Variants in EHHADH observed in about 807,000 individuals in gnomAD.
The protein encoded by EHHADH is enoyl-CoA hydratase and 3-hydroxyacyl CoA dehydrogenase.
Under a neutral mutation model 64.4 loss-of-function variants are expected in EHHADH, and 48 were observed. The ratio of observed to expected loss-of-function variants is 0.75; its 90% CI spans 0.59 to 0.95. The LOEUF (loss-of-function observed/expected upper bound fraction) is 0.95. Among genes scored for constraint, EHHADH ranks in the 40% least tolerant of loss-of-function variants. The pLI is 0.00. For missense variants in EHHADH, 854 were observed against 876.6 expected (o/e 0.97, Z 0.33); for synonymous variants, 308 against 326.7 (o/e 0.94, Z 0.62).
At chr3:185,211,733 A>T (rs1323420811) in intron 5 of EHHADH, among the ~76,000 whole-genome samples, 2 of 152,244 alleles carry the variant, frequency 1.3e-5, no homozygotes, top group Non-Finnish European at 2.9e-5. Flanking sequence ...CCTCCTATGT[A>T]AGGCAGGTCA....
At chr3:185,193,885 G>T (rs2108623325) in intron 6 of EHHADH, among the ~76,000 whole-genome samples, 1 of 152,252 alleles carries the variant, frequency 6.6e-6, no homozygotes, top group South Asian at 2.1e-4. Context: ...AGGAGGATTT[G>T]TACACTAAAA....
intron 5 of EHHADH, among the ~76,000 whole-genome samples, chr3:185,215,495 C>T (rs1577362313): frequency 6.6e-6 from 1 of 152,000 alleles, no homozygotes; most frequent in South Asian, 2.1e-4. Flanking sequence ...TTGCCTGCGG[C>T]CAAGGGGAAG....
Position 185,238,511 on chromosome 3 carries a change from T to A in EHHADH, c.179-3049A>T, listed in dbSNP as rs150608876. 3.3e-5 allele frequency among the ~76,000 whole-genome samples: 5 copies of A among 152,296 alleles called. No individual in the cohort carries two copies. In the East Asian group the frequency reaches 9.6e-4, roughly 29 times the overall value. On this transcript the variant is annotated intron_variant, in intron 2 of 6. Coordinates refer to ENST00000231887, the MANE Select transcript of EHHADH (RefSeq NM_001966.4). Reference sequence around the variant, plus strand: ...TACATTTCTCTGATGATTAGTGATGTTGAGAATTTTTTCATATGTTTATTG... The same window carrying A: ...TACATTTCTCTGATGATTAGTGATGATGAGAATTTTTTCATATGTTTATTG...
intron 2 of EHHADH, among the ~76,000 whole-genome samples, chr3:185,241,791 CTTTAG>C: frequency 6.6e-6 from 1 of 152,110 alleles, no homozygotes; most frequent in East Asian, 1.9e-4. Context: ...TGCAAAAGCT[CTTTAG>C]TTTAATTAAC....
At chr3:185,224,193 CCTTT>C (rs953296551) in intron 4 of EHHADH, among the ~76,000 whole-genome samples, 4 of 151,782 alleles carry the variant, frequency 2.6e-5, no homozygotes, top group African/African-American at 9.7e-5. Context: ...TCTTTAACAC[CCTTT>C]CTTAGAAAAA....
chr3:185,235,576 A>AT (rs1185220750), intron 2 of EHHADH, 114 bp from the exon 3 acceptor site: 50 of 954,744 alleles, frequency 5.2e-5, no homozygotes, highest in South Asian at 2.5e-4. Context: ...TTATTTCTTA[A>AT]TTTTTTTTAG....
chr3:185,226,975 T>G (rs911296379), intron 4 of EHHADH: 3 of 152,228 alleles, frequency 2.0e-5, no homozygotes, highest in Non-Finnish European at 4.4e-5. Context: ...GTTGGTTCAT[T>G]TCACTGCTAT....
In EHHADH at chr3:185,193,393, A is replaced by G. The variant is rs531268337; in HGVS notation, c.1005T>C (p.Thr335=). Residue 335 remains threonine, a synonymous_variant, in exon 7 of 7, where the codon ACT becomes ACC. Coordinates refer to ENST00000231887, the MANE Select transcript of EHHADH (RefSeq NM_001966.4). ...AGACAGAGGTTATCATCTTGTTTGCAGTTGCTAGCTGGTTTTTGTCCGAGT... is the reference window on the plus strand; with the variant it reads ...AGACAGAGGTTATCATCTTGTTTGCGGTTGCTAGCTGGTTTTTGTCCGAGT... The part of the protein sequence containing the change: ...AVDSDKNQLA[T]ANKMITSVLE... 7.4e-6 allele frequency: 12 copies of G among 1,614,186 alleles called. No homozygotes were observed. The highest frequency in any genetic ancestry group is 1.6e-4 in the Middle Eastern group (1 of 6,062).
intron 4 of EHHADH, among the ~76,000 whole-genome samples, chr3:185,225,500 A>T (rs1393511890): frequency 1.3e-5 from 2 of 152,162 alleles, no homozygotes; most frequent in Non-Finnish European, 2.9e-5. Flanking sequence ...GGATTATGAT[A>T]GCAGCCCTCA....
rs138910957 is a variant in EHHADH at position 185,235,450 on chromosome 3, C to A, written c.191G>T (p.Arg64Leu). The change falls in exon 3 of 7, where the codon CGT becomes CTT. Residue 64 changes from arginine (R) to leucine (L), a missense_variant. Physicochemically the swap from Arg to Leu is moderately radical, Grantham distance 102 (BLOSUM62 -2). Coordinates refer to ENST00000231887, the MANE Select transcript of EHHADH (RefSeq NM_001966.4). ...AAATGTCCTAGGAGCACTGAAGCCACGAATATCAGCACCTAAGGGCACAAA... is the reference window on the plus strand; with the variant it reads ...AAATGTCCTAGGAGCACTGAAGCCAAGAATATCAGCACCTAAGGGCACAAA... ...EGKFSAGADI[R>L]GFSAPRTFGL... The A allele has an allele frequency of 6.2e-7, 1 of 1,608,126 alleles. No individual in the cohort carries two copies. The highest frequency in any genetic ancestry group is 8.5e-7 in the Non-Finnish European group (1 of 1,177,166).
At chr3:185,198,161 AC>A (rs1718120820) in intron 6 of EHHADH, among the ~76,000 whole-genome samples, 1 of 151,750 alleles carries the variant, frequency 6.6e-6, no homozygotes, top group Non-Finnish European at 1.5e-5. Context: ...GGCAATTTTT[AC>A]CTTTTTGACA....
At chr3:185,217,883 GCCTCCCGAGTA>G (rs1718731397) in intron 5 of EHHADH, among the ~76,000 whole-genome samples, 1 of 151,380 alleles carries the variant, frequency 6.6e-6, no homozygotes, top group Non-Finnish European at 1.5e-5. Flanking sequence ...TCCTGCCTCA[GCCTCCCGAGTA>G]GCTGGGATTA....
intron 5 of EHHADH, 99 bp from the exon 6 acceptor site, chr3:185,204,856 C>T: frequency 2.0e-6 from 2 of 977,272 alleles, no homozygotes; most frequent in Non-Finnish European, 3.0e-6. Flanking sequence ...ATTCAAAGCA[C>T]AAACTAAAAG....
At chr3:185,220,310 T>C (rs536115555) in intron 4 of EHHADH, among the ~76,000 whole-genome samples, 31 of 152,326 alleles carry the variant, frequency 2.0e-4, no homozygotes, top group African/African-American at 7.2e-4. Flanking sequence ...CAACAACACA[T>C]ATATGATGGT....
intron 4 of EHHADH, among the ~76,000 whole-genome samples, chr3:185,225,142 AC>A (rs944530326): frequency 6.6e-6 from 1 of 151,870 alleles, no homozygotes; most frequent in Admixed American, 6.6e-5. Flanking sequence ...AGTTCAGAAG[AC>A]CTCTCTCTCC....
chr3:185,206,724 A>G (rs981674910), intron 5 of EHHADH, among the ~76,000 whole-genome samples: 1 of 152,058 alleles, frequency 6.6e-6, no homozygotes, highest in African/African-American at 2.4e-5. Flanking sequence ...GCTACTCGGG[A>G]AGCTGAGGCA....
At chr3:185,250,973 T>A (rs1453844506) in intron 1 of EHHADH, among the ~76,000 whole-genome samples, 1 of 152,194 alleles carries the variant, frequency 6.6e-6, no homozygotes, top group Non-Finnish European at 1.5e-5. Flanking sequence ...TTTTTTATGT[T>A]CATAATTTTG....
intron 3 of EHHADH, among the ~76,000 whole-genome samples, chr3:185,234,800 A>T (rs1719242938): frequency 6.6e-6 from 1 of 152,242 alleles, no homozygotes; most frequent in Non-Finnish European, 1.5e-5. Flanking sequence ...CCAGAATGGA[A>T]GTGAAGTATT....
chr3:185,214,593 TAC>T, intron 5 of EHHADH, among the ~76,000 whole-genome samples: 1 of 152,336 alleles, frequency 6.6e-6, no homozygotes, highest in Non-Finnish European at 1.5e-5. Context: ...GTACAACCAC[TAC>T]TGAAAATTTG....
Sources: allele counts gnomAD v4.1 joint callset (sites outside exome capture counted in the v4.1 genomes callset), GRCh38; gene constraint gnomAD v4.1.1; transcripts MANE v1.5; gene names NCBI Gene and HGNC (gene_info 2026-07-23, HGNC 2026-07-21).